The following CCDC178 variants were observed in gnomAD, a reference collection of about 807,000 sequenced individuals.
CCDC178 encodes the protein coiled-coil domain-containing protein 178.
CCDC178 carries 126 observed loss-of-function variants against 117.4 expected under a neutral mutation model. That is an observed-to-expected ratio of 1.07 (90% CI 0.93 to 1.24). CCDC178 has a LOEUF of 1.24. Ranked by LOEUF, CCDC178 falls within the 50% of genes most tolerant of loss-of-function variation. CCDC178 has a pLI of 0.00. For missense variants in CCDC178, 1,030 were observed against 986.9 expected (o/e 1.04, Z -0.59); for synonymous variants, 283 against 313.4 (o/e 0.90, Z 1.02).
At chr18:33,098,441 C>T (rs899942680) in intron 20 of CCDC178, among the ~76,000 whole-genome samples, 1 of 152,002 alleles carries the variant, frequency 6.6e-6, no homozygotes, top group African/African-American at 2.4e-5. Flanking sequence ...CTCTCCTGTC[C>T]TGATGTAACT....
At chr18:33,219,079 G>A (rs1171997088) in intron 18 of CCDC178, among the ~76,000 whole-genome samples, 1 of 151,932 alleles carries the variant, frequency 6.6e-6, no homozygotes, top group Admixed American at 6.6e-5. Flanking sequence ...TATTCCTATC[G>A]ATCAACATGG....
rs144254369 is a variant in CCDC178 at position 33,033,295 on chromosome 18, C to T, written c.2389-58614G>A. Among the ~76,000 whole-genome samples, 817 of 152,114 alleles carry T rather than the reference C, an allele frequency of 5.4e-3. 8 individuals are homozygous for T. Among genetic ancestry groups the T allele is most frequent in the African/African-American group, 0.018 (742 of 41,530 alleles). On this transcript the variant is annotated intron_variant, in intron 21 of 22. Coordinates refer to ENST00000383096, the MANE Select transcript of CCDC178 (RefSeq NM_001105528.4). ...AGGAAGTATCTTTTAAAAGAAAAAG[C>T]CTTTGAGAAAAAATATTTCTTTTTC...
chr18:33,403,187 A>T (rs1339207283), intron 3 of CCDC178, among the ~76,000 whole-genome samples: 1 of 152,148 alleles, frequency 6.6e-6, no homozygotes, highest in African/African-American at 2.4e-5. Context: ...AAGTCCTTGG[A>T]TGAGTGTTGA....
Position 33,323,557 on chromosome 18 carries a change from G to A in CCDC178, c.956C>T (p.Ala319Val), listed in dbSNP as rs2062544970. The A allele has an allele frequency of 6.3e-7, 1 of 1,575,156 alleles. No individual in the cohort carries two copies. Among genetic ancestry groups the A allele is most frequent in the African/African-American group, 1.4e-5 (1 of 73,226 alleles). The part of the protein sequence containing the change: ...LEACENARLK[A>V]QQIKEEIDKD... ...ATCAATCTCTTCTTTAATTTGCTGA[G>A]CCTTCAATCTGGCATTTTCACAGGC... The change falls in exon 11 of 23, where the codon GCT (alanine) becomes GTT (valine). Residue 319 changes from alanine to valine, a missense_variant. Ala to Val is a moderately conservative substitution (Grantham distance 64). Transcript: ENST00000383096.
intron 20 of CCDC178, among the ~76,000 whole-genome samples, chr18:33,165,294 C>A (rs975698834): frequency 6.6e-6 from 1 of 152,028 alleles, no homozygotes; most frequent in Non-Finnish European, 1.5e-5. Flanking sequence ...CCAGCCTGGA[C>A]AACAGAGCAT....
intron 12 of CCDC178, among the ~76,000 whole-genome samples, chr18:33,273,340 C>A (rs1187031540): frequency 1.3e-5 from 2 of 151,298 alleles, no homozygotes; most frequent in African/African-American, 2.4e-5. Flanking sequence ...CTAAACAGTG[C>A]AAGATTTGTA....
chr18:33,110,547 A>G lies in CCDC178; in HGVS notation c.2239-17637T>C, dbSNP rs565504378. On this transcript the variant is annotated intron_variant, in intron 20 of 22. Coordinates refer to ENST00000383096, the MANE Select transcript of CCDC178 (RefSeq NM_001105528.4). ...AACTTTAACATTTATATCTGTAAACAGGTAGAACTGGGTTTTATGTACATT... is the reference window on the plus strand; with the variant it reads ...AACTTTAACATTTATATCTGTAAACGGGTAGAACTGGGTTTTATGTACATT... Among the ~76,000 whole-genome samples the G allele has an allele frequency of 2.6e-5, 4 of 151,760 alleles. No homozygotes were observed. In the South Asian group the frequency reaches 8.3e-4, roughly 31 times the overall value.
At chr18:32,960,627 C>T (rs921525894) in intron 22 of CCDC178, among the ~76,000 whole-genome samples, 1 of 151,994 alleles carries the variant, frequency 6.6e-6, no homozygotes, top group African/African-American at 2.4e-5. Context: ...AAATTGGACC[C>T]ACAGAAATCT....
At chr18:33,329,653 T>C (rs955435094) in intron 10 of CCDC178, among the ~76,000 whole-genome samples, 1 of 152,178 alleles carries the variant, frequency 6.6e-6, no homozygotes, top group African/African-American at 2.4e-5. Flanking sequence ...CATTTGTTCA[T>C]GATGTATAAT....
intron 22 of CCDC178, among the ~76,000 whole-genome samples, chr18:32,968,726 T>G (rs1480625282): frequency 3.9e-5 from 6 of 152,084 alleles, no homozygotes; most frequent in Non-Finnish European, 8.8e-5. Context: ...AGTTTAATGT[T>G]ATTCCTTGAG....
intron 20 of CCDC178, among the ~76,000 whole-genome samples, chr18:33,182,571 C>T (rs2058744249): frequency 1.3e-5 from 2 of 151,992 alleles, no homozygotes; most frequent in Admixed American, 1.3e-4. Context: ...AATTTCCTGA[C>T]ATAAGCTAAT....
chr18:33,013,864 T>C (rs2055925099), intron 21 of CCDC178, among the ~76,000 whole-genome samples: 1 of 152,202 alleles, frequency 6.6e-6, no homozygotes, highest in African/African-American at 2.4e-5. Flanking sequence ...GTGTAAAAGA[T>C]CATGACTTAT....
chr18:33,035,682 G>A (rs1237375956), intron 21 of CCDC178, among the ~76,000 whole-genome samples: 1 of 151,836 alleles, frequency 6.6e-6, no homozygotes, highest in East Asian at 1.9e-4. Context: ...AACAACTTCA[G>A]GGATCTATTG....
chr18:33,243,799 C>T (rs1190685813), intron 15 of CCDC178, among the ~76,000 whole-genome samples: 2 of 151,344 alleles, frequency 1.3e-5, no homozygotes, highest in Admixed American at 6.6e-5. Context: ...GGTTTCGAGT[C>T]AATTAGAAAA....
rs370621791 is a variant in CCDC178 at position 33,223,181 on chromosome 18, T to G, written c.1857A>C (p.Arg619Ser). 2.2e-3 allele frequency: 3,488 copies of G among 1,607,276 alleles called. 79 individuals carry two copies. In the South Asian group the frequency reaches 0.036, roughly 16 times the overall value. The change falls in exon 18 of 23, where the codon AGA becomes AGC. Residue 619 changes from arginine (R) to serine (S), a missense_variant. By Grantham distance (110) the Arg-to-Ser change is moderately radical (BLOSUM62 -1). Coordinates refer to ENST00000383096, the MANE Select transcript of CCDC178 (RefSeq NM_001105528.4). ...NNIIDQKDLI[R>S]RKVGKVKKKL... ...TTTTCTTTACTTTTCCCACCTTTCTTCTAATAAGATCTTTCTGATCAATTA... is the reference window on the plus strand; with the variant it reads ...TTTTCTTTACTTTTCCCACCTTTCTGCTAATAAGATCTTTCTGATCAATTA...
At chr18:33,167,542 G>C (rs369505273) in intron 20 of CCDC178, among the ~76,000 whole-genome samples, 2 of 151,950 alleles carry the variant, frequency 1.3e-5, no homozygotes, top group African/African-American at 4.8e-5. Context: ...TCATATGCTT[G>C]TTGGCCACAT....
At chr18:33,253,252 T>A (rs1251597569) in intron 14 of CCDC178, among the ~76,000 whole-genome samples, 3 of 152,038 alleles carry the variant, frequency 2.0e-5, no homozygotes, top group Non-Finnish European at 4.4e-5. Flanking sequence ...AAATATGGCA[T>A]CTGTGTTTTA....
intron 12 of CCDC178, among the ~76,000 whole-genome samples, chr18:33,280,692 T>C (rs2060012946): frequency 6.6e-6 from 1 of 152,120 alleles, no homozygotes; most frequent in Non-Finnish European, 1.5e-5. Context: ...AGCAAAGACT[T>C]GGAACCAAGC....
rs544824241 is a variant in CCDC178, at chr18:33,117,066, T to C, written c.2239-24156A>G. ...GGTTAATAGTTTGGCTGGATGACCA[T>C]GGACTACTAAGGGGCATGGTTAGAA... On this transcript the variant is annotated intron_variant, in intron 20 of 22. Transcript: ENST00000383096. Among the ~76,000 whole-genome samples, 3 of 152,178 alleles carry C rather than the reference T, an allele frequency of 2.0e-5. No individual in the cohort carries two copies. In the South Asian group the frequency reaches 6.2e-4, roughly 32 times the overall value.
Sources: gnomAD v4.1 joint callset for allele counts (sites outside exome capture counted in the v4.1 genomes callset) on GRCh38, gnomAD v4.1.1 for gene constraint, MANE v1.5 for transcripts, NCBI Gene and HGNC (gene_info 2026-07-23, HGNC 2026-07-21) for gene names.